The following CSMD1 variants were observed in gnomAD, a reference collection of about 807,000 sequenced individuals.
CSMD1 encodes the protein CUB and sushi domain-containing protein 1.
CSMD1 carries 213 observed loss-of-function variants against 417.5 expected under a neutral mutation model. The observed-to-expected ratio is 0.51, with a 90% CI of 0.46 to 0.57. CSMD1 has a LOEUF of 0.57. CSMD1 is among the 20% of genes least tolerant of loss of function. The pLI is 0.00. For synonymous variants in CSMD1, 2,862 were observed against 1,736.8 expected, an observed-to-expected ratio of 1.65 and a Z score of -16.11; for missense variants, 6,923 against 4,529.7, an observed-to-expected ratio of 1.53 and a Z score of -15.17.
chr8:3,438,480 A>C (rs940678360), intron 12 of CSMD1, among the ~76,000 whole-genome samples: 1 of 152,146 alleles, frequency 6.6e-6, no homozygotes, highest in Admixed American at 6.5e-5. Flanking sequence ...CTCTCTTCCT[A>C]TAAGAATGTT....
chr8:4,757,077 A>G (rs1320133600), intron 1 of CSMD1, among the ~76,000 whole-genome samples: 2 of 152,262 alleles, frequency 1.3e-5, no homozygotes, highest in East Asian at 3.8e-4. Context: ...AGAAATGGCA[A>G]GAAACAGGAT....
intron 3 of CSMD1, among the ~76,000 whole-genome samples, chr8:4,286,270 T>C (rs926080192): frequency 1.3e-5 from 2 of 152,142 alleles, no homozygotes; most frequent in South Asian, 4.2e-4. Context: ...ATGTCTCACT[T>C]GCTTCTACTT....
intron 1 of CSMD1, among the ~76,000 whole-genome samples, chr8:4,854,902 G>T (rs1801704053): frequency 6.6e-6 from 1 of 152,236 alleles, no homozygotes. Context: ...CGAACTGGGT[G>T]GAGCCCAGCA....
chr8:3,867,502 T>C (rs1265510669), intron 5 of CSMD1, among the ~76,000 whole-genome samples: 1 of 152,186 alleles, frequency 6.6e-6, no homozygotes, highest in East Asian at 1.9e-4. Context: ...GGTGTCAGAA[T>C]AAAACAGATA....
chr8:3,786,340 T>A (rs1230341994), intron 5 of CSMD1, among the ~76,000 whole-genome samples: 1 of 152,056 alleles, frequency 6.6e-6, no homozygotes, highest in Admixed American at 6.6e-5. Flanking sequence ...GGAGGGTCAC[T>A]GAGACCACGG....
chr8:3,543,238 A>G (rs1798518538), intron 10 of CSMD1, among the ~76,000 whole-genome samples: 1 of 152,206 alleles, frequency 6.6e-6, no homozygotes, highest in South Asian at 2.1e-4. Flanking sequence ...GAAGCCCAGG[A>G]TGTGACGTAG....
chr8:4,054,346 G>C lies in CSMD1; in HGVS notation c.416-22247C>G, dbSNP rs78534525. ...GAGCTGGGGTAGGAATGTGTGGTTTGATCTATCTCTGTTGCCTTCATCCCA... is the reference window on the plus strand; with the variant it reads ...GAGCTGGGGTAGGAATGTGTGGTTTCATCTATCTCTGTTGCCTTCATCCCA... On this transcript the variant is annotated intron_variant, in intron 3 of 69. Coordinates refer to ENST00000635120, the MANE Select transcript of CSMD1 (RefSeq NM_033225.6). Among the ~76,000 whole-genome samples the C allele has an allele frequency of 9.2e-3, 1,401 of 152,220 alleles. 30 individuals carry two copies. The highest frequency in any genetic ancestry group is 0.032 in the African/African-American group (1,340 of 41,524).
At chr8:2,942,333 A>G in intron 69 of CSMD1, 139 bp downstream of exon 69, 1 of 799,826 alleles carries the variant, frequency 1.3e-6, no homozygotes, top group Non-Finnish European at 1.9e-6. Flanking sequence ...CTCAAAATAA[A>G]AGTTGATTTA....
chr8:3,841,539 A>T (rs774624759), intron 5 of CSMD1, among the ~76,000 whole-genome samples: 3 of 152,158 alleles, frequency 2.0e-5, no homozygotes, highest in Non-Finnish European at 4.4e-5. Context: ...GTAAAATTCC[A>T]CAAAGCACAT....
intron 5 of CSMD1, among the ~76,000 whole-genome samples, chr8:3,799,555 A>G (rs749695988): frequency 6.6e-5 from 10 of 151,806 alleles, no homozygotes; most frequent in African/African-American, 2.4e-4. Flanking sequence ...TATGTGACTA[A>G]TAAAACCTTA....
At chr8:4,438,659 T>A (rs7001772) in intron 2 of CSMD1, among the ~76,000 whole-genome samples, 2 of 152,080 alleles carry the variant, frequency 1.3e-5, no homozygotes, top group African/African-American at 4.8e-5. Context: ...TTACTTGGAA[T>A]TCCTGCAGGT....
chr8:3,731,789 T>C (rs895894934), intron 6 of CSMD1, among the ~76,000 whole-genome samples: 1 of 152,126 alleles, frequency 6.6e-6, no homozygotes, highest in Non-Finnish European at 1.5e-5. Context: ...ATTAAGTGCT[T>C]ATGTTTTGGA....
chr8:3,910,766 G>A (rs1032248909), intron 5 of CSMD1, among the ~76,000 whole-genome samples: 1 of 152,130 alleles, frequency 6.6e-6, no homozygotes, highest in African/African-American at 2.4e-5. Context: ...AGATTGTAGT[G>A]CCTTCTCTCC....
chr8:4,125,657 C>A (rs1362128682), intron 3 of CSMD1, among the ~76,000 whole-genome samples: 2 of 152,206 alleles, frequency 1.3e-5, no homozygotes, highest in Non-Finnish European at 2.9e-5. Flanking sequence ...CTCTATGTTG[C>A]TTCTAACCTT....
At chr8:4,835,776 A>G (rs1800441180) in intron 1 of CSMD1, among the ~76,000 whole-genome samples, 1 of 151,708 alleles carries the variant, frequency 6.6e-6, no homozygotes, top group Admixed American at 6.6e-5. Context: ...CAGCTGCAAA[A>G]GTGAGTAATT....
At chr8:4,096,266 C>G (rs1801003879) in intron 3 of CSMD1, among the ~76,000 whole-genome samples, 1 of 151,996 alleles carries the variant, frequency 6.6e-6, no homozygotes, top group Admixed American at 6.6e-5. Context: ...CTCTTGATAG[C>G]AAGCAGGCCC....
intron 3 of CSMD1, among the ~76,000 whole-genome samples, chr8:4,295,323 CACATATAATCTTAAGATT>C: frequency 9.0e-6 from 1 of 111,484 alleles, no homozygotes. Flanking sequence ...TAAGATTATG[CACATATAATCTTAAGATT>C]ATGCACATAT....
intron 1 of CSMD1, among the ~76,000 whole-genome samples, chr8:4,822,057 T>C (rs545695447): frequency 2.9e-4 from 44 of 152,322 alleles, no homozygotes; most frequent in Non-Finnish European, 6.0e-4. Flanking sequence ...TTCCCTTTTC[T>C]ATTCTCTTCC....
chr8:4,040,968 G>C (rs1391326632), intron 3 of CSMD1, among the ~76,000 whole-genome samples: 1 of 149,858 alleles, frequency 6.7e-6, no homozygotes, highest in Non-Finnish European at 1.5e-5. Flanking sequence ...GACTTCACTA[G>C]TGAATCCTCA....
Sources: allele counts gnomAD v4.1 joint callset (sites outside exome capture counted in the v4.1 genomes callset), GRCh38; gene constraint gnomAD v4.1.1; transcripts MANE v1.5; gene names NCBI Gene and HGNC (gene_info 2026-07-23, HGNC 2026-07-21).